PLD5: variants seen among roughly 807,000 people sequenced by gnomAD.
PLD5 encodes the protein inactive phospholipase D5.
In PLD5, 36 loss-of-function variants were observed where a neutral mutation model predicts 61.1. That is an observed-to-expected ratio of 0.59 (90% CI 0.45 to 0.78). The LOEUF is 0.78. Ranked by LOEUF, PLD5 falls within the 30% of genes least tolerant of loss-of-function variation. The probability of loss-of-function intolerance (pLI) is 0.00; values close to 1 mark genes in which losing one functional copy is unlikely to be tolerated. For missense variants in PLD5, 515 were observed against 644.4 expected (o/e 0.80, Z 2.17); for synonymous variants, 243 against 242.8 (o/e 1.00, Z -0.01).
chr1:242,513,737 T>C (rs985653258), intron 1 of PLD5, among the ~76,000 whole-genome samples: 1 of 152,190 alleles, frequency 6.6e-6, no homozygotes, highest in Non-Finnish European at 1.5e-5. Flanking sequence ...GGGTCCAAGA[T>C]ACAAAGAGCA....
At chr1:242,377,642 A>T (rs953733350) in intron 1 of PLD5, among the ~76,000 whole-genome samples, 3 of 152,160 alleles carry the variant, frequency 2.0e-5, no homozygotes, top group African/African-American at 7.2e-5. Flanking sequence ...TGGGGGAAAA[A>T]AGCAGGTAAA....
rs143565569 is a variant in PLD5 at position 242,114,868 on chromosome 1, A to G, written c.934-842T>C. Reference sequence around the variant, plus strand: ...TATAGTTATTTCATTATATATTACAATGTAATAATAATAGAAATAAAGTGA... The same window carrying G: ...TATAGTTATTTCATTATATATTACAGTGTAATAATAATAGAAATAAAGTGA... On this transcript the variant is annotated intron_variant, in intron 6 of 9. Coordinates refer to ENST00000536534, the MANE Select transcript of PLD5 (RefSeq NM_001372062.1). Among the ~76,000 whole-genome samples the G allele has an allele frequency of 2.9e-3, 440 of 152,096 alleles. 2 individuals carry two copies. The highest frequency in any genetic ancestry group is 0.018 in the South Asian group (87 of 4,824).
rs12072663 is a variant in PLD5 at position 242,497,153 on chromosome 1, T to C, written c.189+26935A>G. On this transcript the variant is annotated intron_variant, in intron 1 of 9. Transcript: ENST00000536534. ...ATAAGCCACTGCTTTGGGAGCTCTG[T>C]TACATGCAGCCAAAACTACATCTAC... is the stretch of plus-strand genomic sequence containing the variant. Among the ~76,000 whole-genome samples the C allele has an allele frequency of 5.9e-3, 902 of 152,290 alleles. 6 individuals are homozygous for C. The highest frequency in any genetic ancestry group is 0.02 in the African/African-American group (838 of 41,554).
At chr1:242,450,121 T>C (rs1666722787) in intron 1 of PLD5, among the ~76,000 whole-genome samples, 1 of 152,220 alleles carries the variant, frequency 6.6e-6, no homozygotes, top group Non-Finnish European at 1.5e-5. Context: ...GGCTCTTTGC[T>C]TTTCCTGCAC....
intron 2 of PLD5, among the ~76,000 whole-genome samples, chr1:242,328,338 GTGTGTTCTACATGTGTGTTCTACATA>G (rs1574741420): frequency 6.6e-6 from 1 of 151,664 alleles, no homozygotes; most frequent in Non-Finnish European, 1.5e-5. Context: ...TTTTACATAC[GTGTGTTCTACATGTGTGTTCTACATA>G]TGTGTTCTAC....
At chr1:242,211,369 AT>A (rs1052770883) in intron 5 of PLD5, among the ~76,000 whole-genome samples, 2 of 152,170 alleles carry the variant, frequency 1.3e-5, no homozygotes, top group African/African-American at 4.8e-5. Flanking sequence ...AATGTAAAGT[AT>A]TTTATCTAAA....
intron 1 of PLD5, chr1:242,449,274 C>G: frequency 2.0e-6 from 3 of 1,518,058 alleles, no homozygotes; most frequent in Non-Finnish European, 2.7e-6. Flanking sequence ...ATGCTACCAA[C>G]AGCCATTTTC....
intron 2 of PLD5, among the ~76,000 whole-genome samples, chr1:242,303,161 T>G (rs1272461210): frequency 6.6e-6 from 1 of 152,248 alleles, no homozygotes; most frequent in Non-Finnish European, 1.5e-5. Flanking sequence ...ATTCCAGTTC[T>G]CTTCCTGAGT....
chr1:242,184,119 GCTTCATTT>G (rs1667719966), intron 5 of PLD5, among the ~76,000 whole-genome samples: 1 of 152,130 alleles, frequency 6.6e-6, no homozygotes, highest in Non-Finnish European at 1.5e-5. Flanking sequence ...ATTGCAAAGT[GCTTCATTT>G]CTTGTTCTAC....
chr1:242,091,935 C>G (rs1408250576), intron 9 of PLD5, among the ~76,000 whole-genome samples: 2 of 150,208 alleles, frequency 1.3e-5, no homozygotes. Context: ...TCAAGCAATT[C>G]TCTGCTTCAG....
intron 5 of PLD5, among the ~76,000 whole-genome samples, chr1:242,158,594 C>T (rs768115315): frequency 3.4e-4 from 51 of 152,120 alleles, no homozygotes; most frequent in Non-Finnish European, 4.9e-4. Context: ...TTGCACTTCC[C>T]GGGTGAGGCA....
At chr1:242,252,974 G>C (rs1176408809) in intron 4 of PLD5, among the ~76,000 whole-genome samples, 1 of 151,538 alleles carries the variant, frequency 6.6e-6, no homozygotes, top group African/African-American at 2.4e-5. Context: ...ACACCACCAA[G>C]CCCGGCTAAT....
chr1:242,112,313 GTGTGTGTGTGTA>G (rs1393035161), intron 7 of PLD5, among the ~76,000 whole-genome samples: 4 of 107,856 alleles, frequency 3.7e-5, no homozygotes, highest in African/African-American at 1.4e-4. Flanking sequence ...GTGTGTGTGT[GTGTGTGTGTGTA>G]TGTATGTATA....
intron 1 of PLD5, among the ~76,000 whole-genome samples, chr1:242,519,162 C>T (rs1488208857): frequency 6.6e-6 from 1 of 152,222 alleles, no homozygotes; most frequent in Non-Finnish European, 1.5e-5. Flanking sequence ...ACTCTGTCTT[C>T]TGGCGCTTAA....
At chr1:242,280,219 A>G (rs1213836882) in intron 3 of PLD5, among the ~76,000 whole-genome samples, 2 of 152,232 alleles carry the variant, frequency 1.3e-5, no homozygotes, top group Non-Finnish European at 2.9e-5. Context: ...CATTTGTTCA[A>G]TGTGACCACA....
intron 5 of PLD5, among the ~76,000 whole-genome samples, chr1:242,134,584 G>C (rs1374662858): frequency 6.6e-6 from 1 of 152,132 alleles, no homozygotes; most frequent in Non-Finnish European, 1.5e-5. Flanking sequence ...CTGAAGTAGA[G>C]AAACGCTGTA....
chr1:242,278,978 T>C (rs1017367016), intron 3 of PLD5, among the ~76,000 whole-genome samples: 1 of 152,226 alleles, frequency 6.6e-6, no homozygotes, highest in Non-Finnish European at 1.5e-5. Flanking sequence ...TCTACTGATA[T>C]CATATGCAGC....
At chr1:242,091,833 T>C (rs138099613) in intron 9 of PLD5, among the ~76,000 whole-genome samples, 159 of 132,366 alleles carry the variant, frequency 1.2e-3, no homozygotes, top group Middle Eastern at 3.8e-3. Context: ...TCTTTTTTTC[T>C]TTTTTTTTTT....
At chr1:242,378,895 A>G (rs944239790) in intron 1 of PLD5, among the ~76,000 whole-genome samples, 2 of 152,130 alleles carry the variant, frequency 1.3e-5, no homozygotes, top group African/African-American at 4.8e-5. Flanking sequence ...AGAAAAAAGG[A>G]AAACAACCAA....
Sources: allele counts gnomAD v4.1 joint callset (sites outside exome capture counted in the v4.1 genomes callset), GRCh38; gene constraint gnomAD v4.1.1; transcripts MANE v1.5; gene names NCBI Gene and HGNC (gene_info 2026-07-23, HGNC 2026-07-21).